EXOC4: variants seen among roughly 807,000 people sequenced by gnomAD.
EXOC4 encodes the protein SEC8-like 1.
A neutral mutation model predicts 107.2 loss-of-function variants in EXOC4; 71 were observed. The ratio of observed to expected loss-of-function variants is 0.66; its 90% CI spans 0.55 to 0.81. The LOEUF (loss-of-function observed/expected upper bound fraction) is 0.81, where lower values mean the gene tolerates loss of function less well. Among genes scored for constraint, EXOC4 ranks in the 30% least tolerant of loss-of-function variants. The probability of loss-of-function intolerance (pLI) is 0.00; values close to 1 mark genes in which losing one functional copy is unlikely to be tolerated. For missense variants in EXOC4, 1,108 were observed against 1,189.6 expected (o/e 0.93, Z 1.01); for synonymous variants, 456 against 441.2 (o/e 1.03, Z -0.42).
chr7:133,324,049 G>A (rs1311435328), intron 5 of EXOC4, among the ~76,000 whole-genome samples: 2 of 152,164 alleles, frequency 1.3e-5, no homozygotes, highest in African/African-American at 4.8e-5. Context: ...TGTGGGATCA[G>A]TGGTGATATC....
At chr7:133,351,344 T>C (rs1329770104) in intron 5 of EXOC4, among the ~76,000 whole-genome samples, 2 of 152,012 alleles carry the variant, frequency 1.3e-5, no homozygotes, top group Non-Finnish European at 2.9e-5. Flanking sequence ...TGTTGGAAGA[T>C]TTTAGACTAC....
chr7:133,893,873 T>A (rs1799242541), intron 11 of EXOC4, among the ~76,000 whole-genome samples: 1 of 70,856 alleles, frequency 1.4e-5, no homozygotes, highest in Non-Finnish European at 2.4e-5. Flanking sequence ...TTTCCTTCAT[T>A]TCAACTTTGG....
At chr7:134,047,589 A>G (rs1322676912) in intron 17 of EXOC4, among the ~76,000 whole-genome samples, 1 of 146,954 alleles carries the variant, frequency 6.8e-6, no homozygotes, top group Non-Finnish European at 1.5e-5. Flanking sequence ...CAGTGACTCT[A>G]GGAGTTCCCA....
chr7:133,475,250 A>C lies in EXOC4; in HGVS notation c.1183-78A>C, dbSNP rs1798982817. On this transcript the variant is annotated intron_variant, in intron 7 of 17. Coordinates refer to ENST00000253861, the MANE Select transcript of EXOC4 (RefSeq NM_021807.4). ...ATGTTGGTTTTAGAATTAGATTTGC[A>C]TGGTTTTAAAATAGTTTTTCTTAAT... The C allele has an allele frequency of 8.1e-6, 10 of 1,240,472 alleles. No individual in the cohort carries two copies. In the South Asian group the frequency reaches 1.4e-4, roughly 17 times the overall value. 76.8% of individuals were successfully genotyped at this position (1,240,472 alleles called of 1,614,324 possible).
At chr7:133,438,079 T>A (rs559314035) in intron 7 of EXOC4, among the ~76,000 whole-genome samples, 6 of 152,212 alleles carry the variant, frequency 3.9e-5, no homozygotes, top group African/African-American at 1.4e-4. Context: ...AACAAGATAC[T>A]TTTTCACTCT....
chr7:133,972,323 G>C (rs879520448), intron 14 of EXOC4, among the ~76,000 whole-genome samples: 3 of 151,888 alleles, frequency 2.0e-5, no homozygotes, highest in Non-Finnish European at 4.4e-5. Flanking sequence ...TGATTAGTCT[G>C]TCCACTATAT....
At chr7:134,090,506 A>C in the EXOC4 span, among the ~76,000 whole-genome samples, 1 of 152,190 alleles carries the variant, frequency 6.6e-6, no homozygotes, top group African/African-American at 2.4e-5. Context: ...TCCATTAATC[A>C]GAACTTTACA....
chr7:133,530,499 A>G (rs937332343), intron 9 of EXOC4, among the ~76,000 whole-genome samples: 10 of 152,330 alleles, frequency 6.6e-5, no homozygotes, highest in African/African-American at 1.7e-4. Flanking sequence ...ATTTGTGTAT[A>G]TAAACATAGA....
intron 12 of EXOC4, among the ~76,000 whole-genome samples, chr7:133,904,139 C>T (rs1333911217): frequency 6.6e-6 from 1 of 151,978 alleles, no homozygotes; most frequent in Non-Finnish European, 1.5e-5. Flanking sequence ...GAAATGAGGT[C>T]ACAGGAAGGT....
chr7:134,099,785 C>T, the EXOC4 span, among the ~76,000 whole-genome samples: 2,255 of 152,268 alleles, frequency 0.015, 30 homozygotes, highest in Non-Finnish European at 0.022. Flanking sequence ...CAGTTCACTG[C>T]AACCTCCACC....
At chr7:133,954,958 G>A (rs1360292433) in intron 14 of EXOC4, among the ~76,000 whole-genome samples, 3 of 152,360 alleles carry the variant, frequency 2.0e-5, no homozygotes, top group South Asian at 4.1e-4. Flanking sequence ...GGTGGTACAC[G>A]GAAGTTTGGA....
intron 9 of EXOC4, among the ~76,000 whole-genome samples, chr7:133,627,306 A>G (rs753771880): frequency 6.6e-6 from 1 of 152,222 alleles, no homozygotes; most frequent in Non-Finnish European, 1.5e-5. Flanking sequence ...GCGCATGCAT[A>G]GAGCGCAACT....
At chr7:133,555,873 G>A (rs1201950969) in intron 9 of EXOC4, among the ~76,000 whole-genome samples, 1 of 152,154 alleles carries the variant, frequency 6.6e-6, no homozygotes, top group Admixed American at 6.5e-5. Flanking sequence ...AATAGGATGT[G>A]TGCATCACTT....
intron 10 of EXOC4, among the ~76,000 whole-genome samples, chr7:133,734,605 A>C (rs1039470518): frequency 3.3e-5 from 5 of 151,928 alleles, no homozygotes; most frequent in African/African-American, 1.2e-4. Flanking sequence ...TACAGGTTGA[A>C]TCTCCCTGAT....
At chr7:133,340,097 G>A (rs1433131458) in intron 5 of EXOC4, among the ~76,000 whole-genome samples, 1 of 152,116 alleles carries the variant, frequency 6.6e-6, no homozygotes, top group Admixed American at 6.5e-5. Context: ...CAGTTCTCAG[G>A]GGGAGTGCTT....
At chr7:133,546,272 T>TCC (rs1554470305) in intron 9 of EXOC4, among the ~76,000 whole-genome samples, 5 of 148,896 alleles carry the variant, frequency 3.4e-5, no homozygotes, top group Non-Finnish European at 6.0e-5. Context: ...TTTTTTTTTT[T>TCC]CCGAGATGGA....
At chr7:133,627,198 G>A (rs1802476592) in intron 9 of EXOC4, among the ~76,000 whole-genome samples, 1 of 152,178 alleles carries the variant, frequency 6.6e-6, no homozygotes, top group African/African-American at 2.4e-5. Flanking sequence ...TGAGACAGGG[G>A]CATTTGACAG....
At chr7:133,394,430 T>C (rs1382705817) in intron 7 of EXOC4, among the ~76,000 whole-genome samples, 3 of 152,188 alleles carry the variant, frequency 2.0e-5, no homozygotes, top group Admixed American at 6.5e-5. Flanking sequence ...AAGTGTTAAG[T>C]CTGTCCTTAG....
At position 133,857,147 on chromosome 7, in the gene EXOC4, CGTATATAT is replaced by C. The variant is rs1432029470; in HGVS notation, c.1735-38451_1735-38444del. Reference sequence around the variant, plus strand: ...ATATGTATATATATATACACATACACGTATATATATATATATATATATATATATATATA... The same window carrying C: ...ATATGTATATATATATACACATACACATATATATATATATATATATATATA... On this transcript the variant is annotated intron_variant, in intron 11 of 17. Transcript: ENST00000253861. 1.4e-3 allele frequency among the ~76,000 whole-genome samples: 26 copies of C among 19,102 alleles called. 2 individuals carry two copies. Among genetic ancestry groups the C allele is most frequent in the Admixed American group, 3.9e-3 (4 of 1,036 alleles). The allele number at this position is 19,102 out of a possible 152,430, so 12.5% of individuals were successfully genotyped here.
Sources: gnomAD v4.1 joint callset for allele counts (sites outside exome capture counted in the v4.1 genomes callset) on GRCh38, gnomAD v4.1.1 for gene constraint, MANE v1.5 for transcripts, NCBI Gene and HGNC (gene_info 2026-07-23, HGNC 2026-07-21) for gene names.